Variants in SLC1A1 observed in about 807,000 individuals in gnomAD.
SLC1A1 encodes excitatory amino acid transporter 3.
A neutral mutation model predicts 53.3 loss-of-function variants in SLC1A1; 43 were observed. The observed-to-expected ratio is 0.81, with a 90% confidence interval of 0.63 to 1.04. The LOEUF (loss-of-function observed/expected upper bound fraction) is 1.04. SLC1A1 is among the 50% of genes least tolerant of loss of function. The pLI, the probability that SLC1A1 is intolerant of heterozygous loss-of-function variation, is 0.00. For missense variants in SLC1A1, 748 were observed against 664.9 expected (o/e 1.12, Z -1.37); for synonymous variants, 307 against 243.2 (o/e 1.26, Z -2.44).
rs549019579 is a variant in SLC1A1 at position 4,501,047 on chromosome 9, C to T, written c.91+10277C>T. On this transcript the variant is annotated intron_variant, in intron 1 of 11. Transcript: ENST00000262352. ...TAAGACGTCCCACCAGTCCTGCACT[C>T]ATGCTGAGGTCACCACTCCCGAGCC... is the stretch of plus-strand genomic sequence containing the variant. 2.0e-5 allele frequency among the ~76,000 whole-genome samples: 3 copies of T among 152,324 alleles called. No individual in the cohort carries two copies. The East Asian group carries it at 5.8e-4, about 29-fold the overall frequency.
chr9:4,511,928 A>G (rs577823713), intron 1 of SLC1A1, among the ~76,000 whole-genome samples: 8 of 152,344 alleles, frequency 5.3e-5, no homozygotes, highest in African/African-American at 1.7e-4. Context: ...TATGTTAACA[A>G]TGTACAACTG....
In SLC1A1 at chr9:4,556,981, G is replaced by T. The variant is rs1367392816; in HGVS notation, c.233-4468G>T. 1.3e-5 allele frequency among the ~76,000 whole-genome samples: 2 copies of T among 152,126 alleles called. No homozygotes were observed. The highest frequency in any genetic ancestry group is 2.9e-5 in the Non-Finnish European group (2 of 68,022). ...GAGATGTTACATGTGTTCCCCTGTG[G>T]AGTCTTTTATGGCTGAAAAGTGTTC... is the stretch of plus-strand genomic sequence containing the variant. On this transcript the variant is annotated intron_variant, in intron 2 of 11. Transcript: ENST00000262352. The surrounding 1 kb of genome is among the most constrained non-coding windows in gnomAD (Gnocchi z 4.1).
intron 1 of SLC1A1, among the ~76,000 whole-genome samples, chr9:4,536,792 C>T (rs1816692489): frequency 1.3e-5 from 2 of 152,082 alleles, no homozygotes; most frequent in South Asian, 4.2e-4. Context: ...TGCAACCAAG[C>T]CAAATGTCCA....
chr9:4,522,993 AT>A (rs1392669308), intron 1 of SLC1A1, among the ~76,000 whole-genome samples: 3 of 152,142 alleles, frequency 2.0e-5, no homozygotes, highest in Non-Finnish European at 4.4e-5. Flanking sequence ...ATCAACTAGC[AT>A]TTCCCTGAAG....
chr9:4,570,899 T>C (rs1262208592), intron 6 of SLC1A1, among the ~76,000 whole-genome samples: 1 of 148,018 alleles, frequency 6.8e-6, no homozygotes, highest in African/African-American at 2.6e-5. Flanking sequence ...CTGGACAACA[T>C]GAGACCCTGT....
chr9:4,520,636 A>G (rs2130830135), intron 1 of SLC1A1, among the ~76,000 whole-genome samples: 1 of 152,336 alleles, frequency 6.6e-6, no homozygotes, highest in South Asian at 2.1e-4. Flanking sequence ...TCCATTGGAT[A>G]GAGATACAAT....
At chr9:4,539,395 T>G (rs1586728658) in intron 1 of SLC1A1, among the ~76,000 whole-genome samples, 1 of 152,300 alleles carries the variant, frequency 6.6e-6, no homozygotes, top group South Asian at 2.1e-4. Context: ...AACAAATCAC[T>G]TCAGAACCTC....
In SLC1A1 at chr9:4,566,210, A is replaced by G. The variant is rs7022772; in HGVS notation, c.483+121A>G. 189 of 885,182 alleles carry G rather than the reference A, an allele frequency of 2.1e-4. 1 individual carries two copies. Among genetic ancestry groups the G allele is most frequent in the Non-Finnish European group, 3.4e-4 (178 of 526,540 alleles). The allele number at this position is 885,182 out of a possible 1,614,324, so 54.8% of individuals were successfully genotyped here. The stretch of plus-strand genomic sequence containing the variant: ...CCCGTGAAAATGGCAGCAGGAAGTA[A>G]ACCTGTGACTGGCCAAGTTTAAGGT... On this transcript the variant is annotated intron_variant, in intron 5 of 11. Coordinates refer to ENST00000262352, the MANE Select transcript of SLC1A1 (RefSeq NM_004170.6).
rs564601673 is a variant in SLC1A1 at position 4,549,023 on chromosome 9, C to G, written c.232+4316C>G. ...ATGAATATGCCTGAGAATTGTGGCT[C>G]TGGAAAAATCCTGGTCCAGCCAGTG... On this transcript the variant is annotated intron_variant, in intron 2 of 11. Transcript: ENST00000262352. This position sits in a 1 kb window ranked among gnomAD's most constrained non-coding sequence, Gnocchi z 4.1. 1.3e-5 allele frequency among the ~76,000 whole-genome samples: 2 copies of G among 152,268 alleles called. No homozygotes were observed. The highest frequency in any genetic ancestry group is 2.9e-5 in the Non-Finnish European group (2 of 68,014).
At position 4,505,344 on chromosome 9, in the gene SLC1A1, C is replaced by T. The variant is rs947397527; in HGVS notation, c.91+14574C>T. 1.3e-5 allele frequency among the ~76,000 whole-genome samples: 2 copies of T among 152,100 alleles called. 1 individual carries two copies. Among genetic ancestry groups the T allele is most frequent in the Admixed American group, 1.3e-4 (2 of 15,268 alleles). On this transcript the variant is annotated intron_variant, in intron 1 of 11. Coordinates refer to ENST00000262352, the MANE Select transcript of SLC1A1 (RefSeq NM_004170.6). ...GATTACAGGGGTGAGCCACCGCACC[C>T]GGCCCATATTTCCTTTTTTTATACT...
chr9:4,564,302 G>T lies in SLC1A1; in HGVS notation c.326-42G>T, dbSNP rs774271829. The T allele has an allele frequency of 2.9e-6, 4 of 1,389,176 alleles. No individual in the cohort carries two copies. In the African/African-American group the frequency reaches 4.2e-5, roughly 15 times the overall value. The allele number at this position is 1,389,176 out of a possible 1,614,324, so 86.1% of individuals were successfully genotyped here. A position where few individuals can be genotyped will look rare whatever the true frequency, so the allele number is the denominator to read the frequency against. On this transcript the variant is annotated intron_variant, in intron 3 of 11. Coordinates refer to ENST00000262352, the MANE Select transcript of SLC1A1 (RefSeq NM_004170.6). ...AGGTGCCAGCTGTGCCAGGTGCCCTGGAAGGTTCCTAATGCTCTGTGGACG... is the reference window on the plus strand; with the variant it reads ...AGGTGCCAGCTGTGCCAGGTGCCCTTGAAGGTTCCTAATGCTCTGTGGACG...
chr9:4,534,625 C>A (rs1159530762), intron 1 of SLC1A1, among the ~76,000 whole-genome samples: 1 of 151,944 alleles, frequency 6.6e-6, no homozygotes, highest in African/African-American at 2.4e-5. Context: ...CCGAATTCTA[C>A]CAGAGGTACA....
In SLC1A1 at chr9:4,574,022, A is replaced by T. The variant is rs12682807; in HGVS notation, c.875+8A>T. ...GGCCACAGTCCTGACTGGGTATGTC[A>T]GACTCAAGAGAAGAGACAGAAACCT... On this transcript the variant is annotated splice_region_variant and intron_variant, in intron 8 of 11. Transcript: ENST00000262352. 6 of 1,566,692 alleles carry T rather than the reference A, an allele frequency of 3.8e-6. No homozygotes were observed. The highest frequency in any genetic ancestry group is 5.3e-6 in the Non-Finnish European group (6 of 1,136,894).
At position 4,561,551 on chromosome 9, in the gene SLC1A1, A is replaced by G. The variant is rs752788217; in HGVS notation, c.325+10A>G. 2 of 1,447,992 alleles carry G rather than the reference A, an allele frequency of 1.4e-6. No individual in the cohort carries two copies. The highest frequency in any genetic ancestry group is 1.7e-5 in the Admixed American group (1 of 59,794). The allele number at this position is 1,447,992 out of a possible 1,614,324, so 89.7% of individuals were successfully genotyped here. ...ATTGCTGTTATTCTAGGTAATACTT[A>G]TTTCTGAATCCTTACTACTTTATGT... On this transcript the variant is annotated intron_variant, in intron 3 of 11. Transcript: ENST00000262352.
At chr9:4,509,249 T>C (rs1165407509) in intron 1 of SLC1A1, among the ~76,000 whole-genome samples, 2 of 151,922 alleles carry the variant, frequency 1.3e-5, no homozygotes. Context: ...TCTGCTGGGA[T>C]TGGGGGGTGA....
intron 1 of SLC1A1, among the ~76,000 whole-genome samples, chr9:4,537,854 TG>T (rs1298674344): frequency 2.0e-5 from 3 of 152,096 alleles, no homozygotes; most frequent in African/African-American, 7.2e-5. Context: ...TGGTGACAGT[TG>T]TACAACATTG....
chr9:4,512,234 A>C (rs1464609656), intron 1 of SLC1A1, among the ~76,000 whole-genome samples: 5 of 152,110 alleles, frequency 3.3e-5, no homozygotes, highest in African/African-American at 1.2e-4. Context: ...ATATGGAGGC[A>C]GGGTGCGGTG....
intron 1 of SLC1A1, among the ~76,000 whole-genome samples, chr9:4,496,920 C>T (rs920774757): frequency 3.9e-5 from 6 of 151,920 alleles, no homozygotes; most frequent in African/African-American, 1.2e-4. Context: ...ATAATAAATG[C>T]AGAAGAGAGA....
chr9:4,526,861 A>G (rs62542060), intron 1 of SLC1A1, among the ~76,000 whole-genome samples: 17,367 of 151,948 alleles, frequency 0.11, 1,388 homozygotes, highest in South Asian at 0.31. Flanking sequence ...CATACCCTGC[A>G]TAATCCCCTT....
Sources: allele counts gnomAD v4.1 joint callset (sites outside exome capture counted in the v4.1 genomes callset), GRCh38; gene constraint gnomAD v4.1.1; non-coding constraint Gnocchi (gnomAD v3.1); transcripts MANE v1.5; gene names NCBI Gene and HGNC (gene_info 2026-07-23, HGNC 2026-07-21).